The following EPC1 variants were observed in gnomAD, a reference collection of about 807,000 sequenced individuals.
EPC1 encodes the protein enhancer of polycomb 1.
Under a neutral mutation model 98.4 loss-of-function variants are expected in EPC1, and 12 were observed. The observed-to-expected ratio is 0.12, with a 90% CI of 0.08 to 0.20. The LOEUF (loss-of-function observed/expected upper bound fraction) is 0.20, where lower values mean the gene tolerates loss of function less well. Ranked by LOEUF, EPC1 falls within the 10% of genes least tolerant of loss-of-function variation. The pLI is 1.00. For missense variants in EPC1, 729 were observed against 990.5 expected, an observed-to-expected ratio of 0.74 and a Z score of 3.54; for synonymous variants, 357 against 363.9, an observed-to-expected ratio of 0.98 and a Z score of 0.21.
chr10:32,287,624 T>A (rs76566016), intron 6 of EPC1, among the ~76,000 whole-genome samples: 1 of 151,732 alleles, frequency 6.6e-6, no homozygotes, highest in African/African-American at 2.4e-5. Flanking sequence ...TAGAAGAGAA[T>A]TTTTTTTTAA....
intron 2 of EPC1, among the ~76,000 whole-genome samples, chr10:32,302,888 C>T (rs968474108): frequency 2.6e-5 from 4 of 152,052 alleles, no homozygotes; most frequent in Admixed American, 6.6e-5. Flanking sequence ...GTAATATACA[C>T]CTGGTGATAA....
chr10:32,284,768 T>A lies in EPC1; in HGVS notation c.1674A>T (p.Thr558=). ...KLYRSINRTG[T]AQPGTQTCST... ...TGCATGTCTGGGTCCCAGGTTGTGCTGTTCCTGTTCGGTTTATACTCCTAT... is the reference window on the plus strand; with the variant it reads ...TGCATGTCTGGGTCCCAGGTTGTGCAGTTCCTGTTCGGTTTATACTCCTAT... Residue 558 remains threonine, a synonymous_variant, in exon 10 of 14, where the codon ACA becomes ACT. Coordinates refer to ENST00000319778, the MANE Select transcript of EPC1 (RefSeq NM_001272004.3). The A allele has an allele frequency of 6.2e-7, 1 of 1,614,236 alleles. No individual in the cohort carries two copies. The highest frequency in any genetic ancestry group is 8.5e-7 in the Non-Finnish European group (1 of 1,180,032).
At chr10:32,371,795 G>A (rs953288750) in intron 1 of EPC1, among the ~76,000 whole-genome samples, 5 of 151,866 alleles carry the variant, frequency 3.3e-5, no homozygotes, top group Non-Finnish European at 5.9e-5. Flanking sequence ...CCAGCTACTC[G>A]GGGAGGCTGA....
rs1839395082 is a variant in EPC1 at position 32,360,040 on chromosome 10, T to C, written c.3+18451A>G. Reference sequence around the variant, plus strand: ...AGTAGTTTTGTATCATTCATGTTTGTATCAGTAGCAGGTCTGTATCATTAG... The same window carrying C: ...AGTAGTTTTGTATCATTCATGTTTGCATCAGTAGCAGGTCTGTATCATTAG... On this transcript the variant is annotated intron_variant, in intron 1 of 13. Coordinates refer to the EPC1 transcript ENST00000375110. Among the ~76,000 whole-genome samples the C allele has an allele frequency of 2.0e-5, 3 of 152,298 alleles. No individual in the cohort carries two copies. The South Asian group carries it at 6.2e-4, about 32-fold the overall frequency.
chr10:32,281,390 G>C (rs1216628277), intron 10 of EPC1, among the ~76,000 whole-genome samples: 1 of 152,112 alleles, frequency 6.6e-6, no homozygotes, highest in Admixed American at 6.5e-5. Context: ...TTTTCTGCTG[G>C]CATCAGACTA....
chr10:32,311,106 C>A (rs998219124), intron 1 of EPC1, among the ~76,000 whole-genome samples: 2 of 152,040 alleles, frequency 1.3e-5, no homozygotes, highest in East Asian at 1.9e-4. Flanking sequence ...GTCAGGAGAT[C>A]GAGACCATCC....
Position 32,293,115 on chromosome 10 carries a change from T to C in EPC1, c.539A>G (p.Lys180Arg). Residue 180 changes from lysine to arginine, a missense_variant, in exon 4 of 14, where the codon AAA becomes AGA. By Grantham distance (26) the Lys-to-Arg change is conservative. Around this residue, in one of 6 missense-constraint regions of EPC1, gnomAD observed 94 missense variants for 125.1 expected, o/e 0.75. Coordinates refer to ENST00000319778, the MANE Select transcript of EPC1 (RefSeq NM_001272004.3). Reference sequence around the variant, plus strand: ...TGGCCCTCGACAGTTTTTTCTCTTTTTAATCCAATATTCATAAACTTCTCT... The same window carrying C: ...TGGCCCTCGACAGTTTTTTCTCTTTCTAATCCAATATTCATAAACTTCTCT... ...LIREVYEYWI[K>R]KRKNCRGPSL... is the part of the protein sequence containing the mutation. 6.2e-7 allele frequency: 1 copy of C among 1,613,600 alleles called. No individual in the cohort carries two copies. Among genetic ancestry groups the C allele is most frequent in the East Asian group, 2.2e-5 (1 of 44,842 alleles).
chr10:32,301,730 A>G (rs941302349), intron 2 of EPC1, among the ~76,000 whole-genome samples: 6 of 152,164 alleles, frequency 3.9e-5, no homozygotes, highest in Non-Finnish European at 8.8e-5. Flanking sequence ...ATCAAGAGGG[A>G]AAAAAATGAG....
rs1835857907 is a variant in EPC1 at position 32,306,020 on chromosome 10, G to A, written c.154-89C>T. The A allele has an allele frequency of 2.6e-6, 3 of 1,172,658 alleles. No individual in the cohort carries two copies. In the Admixed American group the frequency reaches 8.5e-5, roughly 33 times the overall value. The allele number at this position is 1,172,658 out of a possible 1,614,324, so 72.6% of individuals were successfully genotyped here. A position where few individuals can be genotyped will look rare whatever the true frequency, so the allele number is the denominator to read the frequency against. On this transcript the variant is annotated intron_variant, in intron 1 of 13. Transcript: ENST00000319778. ...CCAAAAAGGTTTTTTTGGCTCATTT[G>A]TTTTTAAAATAGAGAGATTCTAGTA...
chr10:32,344,210 A>C (rs1177354923), intron 1 of EPC1, among the ~76,000 whole-genome samples: 1 of 152,186 alleles, frequency 6.6e-6, no homozygotes, highest in Admixed American at 6.5e-5. Flanking sequence ...TGCATAACAC[A>C]CTACTTTCAA....
chr10:32,282,786 G>A (rs1490444160), intron 10 of EPC1: 2 of 152,164 alleles, frequency 1.3e-5, no homozygotes, highest in Non-Finnish European at 2.9e-5. Context: ...CTCTATTTAA[G>A]GGGTGGAGAA....
At position 32,269,120 on chromosome 10, in the gene EPC1, T is replaced by C; in HGVS notation, c.2385A>G (p.Ser795=). 6.2e-7 allele frequency: 1 copy of C among 1,613,830 alleles called. No homozygotes were observed. Among genetic ancestry groups the C allele is most frequent in the Non-Finnish European group, 8.5e-7 (1 of 1,179,842 alleles). Residue 795 remains serine, a synonymous_variant, in exon 14 of 14, where the codon TCA becomes TCG. Coordinates refer to ENST00000319778, the MANE Select transcript of EPC1 (RefSeq NM_001272004.3). ...VDSVPRENHE[S]EKPALNNIAD... ...CTATGTTGTTCAGTGCTGGCTTTTC[T>C]GATTCATGATTTTCCCTGTTGAAAT...
At chr10:32,332,554 T>C (rs1471544990) in intron 1 of EPC1, among the ~76,000 whole-genome samples, 1 of 152,212 alleles carries the variant, frequency 6.6e-6, no homozygotes, top group Non-Finnish European at 1.5e-5. Context: ...TCATTTGTTC[T>C]GTGAAGACAC....
chr10:32,302,049 G>A (rs982949515), intron 2 of EPC1, among the ~76,000 whole-genome samples: 4 of 152,054 alleles, frequency 2.6e-5, no homozygotes, highest in East Asian at 1.9e-4. Context: ...CAAGGCGGGC[G>A]GATCACGAGG....
chr10:32,272,182 CAAAAG>C lies in EPC1; in HGVS notation c.1864-20_1864-16del, dbSNP rs1835881923. Reference sequence around the variant, plus strand: ...GAAACAAAACCCTAAAAAGAAAATACAAAAGAAATCTAATCAGTATCACTTAGTAT... The same window carrying C: ...GAAACAAAACCCTAAAAAGAAAATACAAATCTAATCAGTATCACTTAGTAT... On this transcript the variant is annotated splice_polypyrimidine_tract_variant and intron_variant, in intron 11 of 13. Coordinates refer to ENST00000319778, the MANE Select transcript of EPC1 (RefSeq NM_001272004.3). The C allele has an allele frequency of 6.3e-7, 1 of 1,594,566 alleles. No individual in the cohort carries two copies. Among genetic ancestry groups the C allele is most frequent in the Non-Finnish European group, 8.5e-7 (1 of 1,172,364 alleles).
At chr10:32,352,574 C>G (rs756784540) in intron 1 of EPC1, among the ~76,000 whole-genome samples, 1 of 152,120 alleles carries the variant, frequency 6.6e-6, no homozygotes, top group Non-Finnish European at 1.5e-5. Flanking sequence ...TACTTAAACT[C>G]TCTGGGCCCT....
At chr10:32,364,521 C>G (rs1021674813) in intron 1 of EPC1, among the ~76,000 whole-genome samples, 2 of 152,212 alleles carry the variant, frequency 1.3e-5, no homozygotes, top group African/African-American at 4.8e-5. Context: ...TCTGCCACCA[C>G]CTAGTTGAAT....
intron 10 of EPC1, among the ~76,000 whole-genome samples, chr10:32,273,504 G>A (rs1428506276): frequency 6.6e-6 from 1 of 151,480 alleles, no homozygotes. Context: ...TAAACTTCCT[G>A]AATTAAACAC....
intron 2 of EPC1, among the ~76,000 whole-genome samples, chr10:32,301,604 G>C (rs1034606886): frequency 6.6e-6 from 1 of 151,646 alleles, no homozygotes; most frequent in Non-Finnish European, 1.5e-5. Context: ...GAATAGAATT[G>C]AGAATCTACA....
Sources: allele counts gnomAD v4.1 joint callset (sites outside exome capture counted in the v4.1 genomes callset), GRCh38; gene constraint gnomAD v4.1.1; regional missense constraint gnomAD v4.1.1; transcripts MANE v1.5; gene names NCBI Gene and HGNC (gene_info 2026-07-23, HGNC 2026-07-21).